SDHAF3: variants seen among roughly 807,000 people sequenced by gnomAD.
SDHAF3 encodes succinate dehydrogenase complex assembly factor 3, also known as succinate dehydrogenase assembly factor 3, mitochondrial.
A neutral mutation model predicts 11.5 loss-of-function variants in SDHAF3; 18 were observed. The ratio of observed to expected loss-of-function variants is 1.56; its 90% CI spans 1.08 to 2.32. The LOEUF (loss-of-function observed/expected upper bound fraction) is 2.32. Ranked by LOEUF, SDHAF3 falls within the 30% of genes most tolerant of loss-of-function variation. The pLI, the probability that SDHAF3 is intolerant of heterozygous loss-of-function variation, is 0.00. For synonymous variants in SDHAF3, 72 were observed against 59.3 expected (o/e 1.21, Z -0.99); for missense variants, 200 against 154.4 (o/e 1.30, Z -1.57).
chr7:97,172,000 A>G (rs1051452671), intron 1 of SDHAF3, among the ~76,000 whole-genome samples: 1 of 152,102 alleles, frequency 6.6e-6, no homozygotes, highest in Non-Finnish European at 1.5e-5. Context: ...AATTTTTCCT[A>G]TAGCTATTCC....
At chr7:97,176,237 AGT>A (rs1789676874) in intron 1 of SDHAF3, among the ~76,000 whole-genome samples, 1 of 152,164 alleles carries the variant, frequency 6.6e-6, no homozygotes, top group Admixed American at 6.5e-5. Context: ...CATACTCAAA[AGT>A]GTCTCTCTTC....
intron 1 of SDHAF3, among the ~76,000 whole-genome samples, chr7:97,137,709 G>A (rs1788950552): frequency 6.6e-6 from 1 of 152,140 alleles, no homozygotes; most frequent in East Asian, 1.9e-4. Context: ...TAATAGTTGT[G>A]AATGCTGGTC....
At chr7:97,166,521 C>T (rs1044710545) in intron 1 of SDHAF3, among the ~76,000 whole-genome samples, 8 of 152,120 alleles carry the variant, frequency 5.3e-5, no homozygotes, top group African/African-American at 1.9e-4. Context: ...GATGAAGTCT[C>T]CTGATAGTAG....
chr7:97,164,280 T>C (rs1584230179), intron 1 of SDHAF3, among the ~76,000 whole-genome samples: 1 of 150,532 alleles, frequency 6.6e-6, no homozygotes, highest in African/African-American at 2.5e-5. Context: ...CAGGCTGGAG[T>C]GCGGTGACAA....
At chr7:97,150,358 T>C (rs1415618760) in intron 1 of SDHAF3, among the ~76,000 whole-genome samples, 1 of 152,230 alleles carries the variant, frequency 6.6e-6, no homozygotes, top group Non-Finnish European at 1.5e-5. Context: ...GGAATCACTA[T>C]CTATGTCAGC....
At chr7:97,158,182 G>T (rs1163280049) in intron 1 of SDHAF3, among the ~76,000 whole-genome samples, 1 of 151,886 alleles carries the variant, frequency 6.6e-6, no homozygotes, top group African/African-American at 2.4e-5. Context: ...TCCTTTTGGG[G>T]GCTAGGTTAA....
intron 1 of SDHAF3, among the ~76,000 whole-genome samples, chr7:97,133,077 A>G (rs1284124568): frequency 6.6e-6 from 1 of 152,146 alleles, no homozygotes; most frequent in Non-Finnish European, 1.5e-5. Context: ...ACCTTTTCAG[A>G]TATGTCTCAG....
At position 97,160,947 on chromosome 7, in the gene SDHAF3, G is replaced by A. The variant is rs1309844691; in HGVS notation, c.175-20065G>A. On this transcript the variant is annotated intron_variant, in intron 1 of 1. Transcript: ENST00000432641. ...CTTTGTCATCTCTTAAAAAAAAAAA[G>A]TACAGATGGTCCCCCACTTAACGAT... 2.0e-5 allele frequency among the ~76,000 whole-genome samples: 3 copies of A among 151,180 alleles called. No homozygotes were observed. In the East Asian group the frequency reaches 5.8e-4, roughly 29 times the overall value.
chr7:97,179,019 T>G (rs1292349395), intron 1 of SDHAF3, among the ~76,000 whole-genome samples: 2 of 152,192 alleles, frequency 1.3e-5, no homozygotes, highest in Non-Finnish European at 2.9e-5. Context: ...TTGTATATGG[T>G]AGAAGATGGG....
At chr7:97,134,608 G>A (rs894282073) in intron 1 of SDHAF3, among the ~76,000 whole-genome samples, 2 of 152,048 alleles carry the variant, frequency 1.3e-5, no homozygotes, top group African/African-American at 4.8e-5. Flanking sequence ...CAACATGCCT[G>A]GCTAATTTTT....
chr7:97,148,688 T>G (rs1335874459), intron 1 of SDHAF3, among the ~76,000 whole-genome samples: 2 of 152,214 alleles, frequency 1.3e-5, no homozygotes, highest in Non-Finnish European at 2.9e-5. Context: ...GCATTCAACT[T>G]TTTTCAAAGT....
chr7:97,160,872 T>A (rs891095737), intron 1 of SDHAF3, among the ~76,000 whole-genome samples: 1 of 152,152 alleles, frequency 6.6e-6, no homozygotes, highest in African/African-American at 2.4e-5. Context: ...AGGAAAATTA[T>A]TTTTTGGAAT....
intron 1 of SDHAF3, among the ~76,000 whole-genome samples, chr7:97,175,188 AATAG>A (rs1789661411): frequency 1.3e-5 from 2 of 152,246 alleles, no homozygotes; most frequent in South Asian, 2.1e-4. Flanking sequence ...ACATCTGTAT[AATAG>A]ATAAATGAGT....
intron 1 of SDHAF3, among the ~76,000 whole-genome samples, chr7:97,138,487 T>G (rs891830739): frequency 6.6e-6 from 1 of 152,178 alleles, no homozygotes; most frequent in African/African-American, 2.4e-5. Context: ...GAAGATCATT[T>G]TATCTTTGAG....
At chr7:97,152,992 A>T (rs2103212) in intron 1 of SDHAF3, among the ~76,000 whole-genome samples, 10,146 of 152,288 alleles carry the variant, frequency 0.067, 372 homozygotes, top group South Asian at 0.11. Flanking sequence ...TTTTGTGGCA[A>T]ATTTGTTAGT....
intron 1 of SDHAF3, among the ~76,000 whole-genome samples, chr7:97,123,044 G>A (rs1416683770): frequency 1.3e-5 from 2 of 151,852 alleles, no homozygotes; most frequent in Non-Finnish European, 2.9e-5. Context: ...TTGTTACATA[G>A]GTATACATGT....
intron 1 of SDHAF3, among the ~76,000 whole-genome samples, chr7:97,154,945 G>A (rs1180635679): frequency 1.3e-5 from 2 of 152,078 alleles, no homozygotes; most frequent in Non-Finnish European, 2.9e-5. Flanking sequence ...AATCAATTAG[G>A]CATATTTGTC....
intron 1 of SDHAF3, among the ~76,000 whole-genome samples, chr7:97,150,036 C>T (rs183467631): frequency 6.6e-6 from 1 of 152,232 alleles, no homozygotes; most frequent in South Asian, 2.1e-4. Flanking sequence ...AAATCACTTT[C>T]TTTGCTCATC....
intron 1 of SDHAF3, among the ~76,000 whole-genome samples, chr7:97,134,064 A>G (rs113511002): frequency 1.6e-4 from 24 of 152,160 alleles, no homozygotes; most frequent in Non-Finnish European, 2.8e-4. Flanking sequence ...TTAAAAACCA[A>G]TCCATACACT....
Sources: gnomAD v4.1 joint callset for allele counts (sites outside exome capture counted in the v4.1 genomes callset) on GRCh38, gnomAD v4.1.1 for gene constraint, MANE v1.5 for transcripts, NCBI Gene and HGNC (gene_info 2026-07-23, HGNC 2026-07-21) for gene names.